The following PKHD1 variants were observed in gnomAD, a reference collection of about 807,000 sequenced individuals.
PKHD1 encodes fibrocystin.
Under a neutral mutation model 412.0 loss-of-function variants are expected in PKHD1, and 291 were observed. That is an observed-to-expected ratio of 0.71 (90% CI 0.64 to 0.78). The LOEUF (loss-of-function observed/expected upper bound fraction) is 0.78, where lower values mean the gene tolerates loss of function less well. PKHD1 is among the 30% of genes least tolerant of loss of function. PKHD1 has a pLI of 0.00. For missense variants in PKHD1, 4,825 were observed against 4,950.7 expected (o/e 0.97, Z 0.76); for synonymous variants, 1,777 against 1,821.5 (o/e 0.98, Z 0.62).
At position 51,669,151 on chromosome 6, in the gene PKHD1, A is replaced by T. The variant is rs543355456; in HGVS notation, c.10157-9182T>A. On this transcript the variant is annotated intron_variant, in intron 60 of 66. Coordinates refer to ENST00000371117, the MANE Select transcript of PKHD1 (RefSeq NM_138694.4). The stretch of plus-strand genomic sequence containing the variant: ...AGTTCCTCCTTGTACCTCTGGTAGA[A>T]TTCGGCTGTGAATCCATCTGGTCCT... Among the ~76,000 whole-genome samples the T allele has an allele frequency of 8.4e-3, 1,272 of 152,238 alleles. 10 individuals carry two copies. The highest frequency in any genetic ancestry group is 0.01 in the Middle Eastern group (3 of 294).
chr6:51,753,500 T>C, intron 56 of PKHD1, 147 bp from the exon 57 acceptor site: 1 of 716,576 alleles, frequency 1.4e-6, no homozygotes. Context: ...CCTGGGGCAT[T>C]CTCCACAAAG....
intron 37 of PKHD1, among the ~76,000 whole-genome samples, chr6:51,926,608 TA>T (rs1341462860): frequency 6.6e-6 from 1 of 152,154 alleles, no homozygotes; most frequent in Non-Finnish European, 1.5e-5. Context: ...CACCTGAAAT[TA>T]AAAGACCTTA....
Position 51,627,066 on chromosome 6 carries a change from G to A in PKHD1, c.11716C>T (p.His3906Tyr), listed in dbSNP as rs371652243. 7.5e-6 allele frequency: 12 copies of A among 1,609,760 alleles called. No individual in the cohort carries two copies. Among genetic ancestry groups the A allele is most frequent in the Non-Finnish European group, 1.0e-5 (12 of 1,176,284 alleles). ...CGGCGTTTGGATGAGATGTGGATAT[G>A]AATATTTTGATTATTAGTCTGGGAT... The part of the protein sequence containing the change: ...PESQTNNQNI[H>Y]IHISSKRRES... Residue 3906 changes from histidine to tyrosine, a missense_variant, in exon 66 of 67, where the codon CAT becomes TAT. Transcript: ENST00000371117.
chr6:51,817,155 GT>G (rs11365359), intron 52 of PKHD1, among the ~76,000 whole-genome samples: 140,456 of 151,962 alleles, frequency 0.92, 65,947 homozygotes, highest in East Asian at 1. Flanking sequence ...TTTTTGAGGG[GT>G]TTTTTTTCCC....
intron 37 of PKHD1, among the ~76,000 whole-genome samples, chr6:51,916,146 G>A (rs1174502701): frequency 1.3e-5 from 2 of 152,028 alleles, no homozygotes; most frequent in Non-Finnish European, 2.9e-5. Flanking sequence ...TTTATATATG[G>A]CACAATTCCT....
At chr6:51,660,670 G>T (rs1348154931) in intron 60 of PKHD1, among the ~76,000 whole-genome samples, 1 of 152,088 alleles carries the variant, frequency 6.6e-6, no homozygotes, top group Admixed American at 6.6e-5. Flanking sequence ...TATTATAAAG[G>T]ATATTACAAA....
At chr6:52,084,776 A>C in intron 2 of PKHD1, 106 bp downstream of exon 2, 1 of 800,472 alleles carries the variant, frequency 1.2e-6, no homozygotes, top group African/African-American at 1.7e-5. Context: ...AAAAATGCAT[A>C]TATTTATGGT....
chr6:51,690,427 C>T (rs1778023156), intron 60 of PKHD1, among the ~76,000 whole-genome samples: 1 of 152,014 alleles, frequency 6.6e-6, no homozygotes, highest in Non-Finnish European at 1.5e-5. Context: ...TACTACAGGC[C>T]TATAGTAATC....
At chr6:52,065,554 T>C (rs188774604) in intron 12 of PKHD1, among the ~76,000 whole-genome samples, 11 of 152,270 alleles carry the variant, frequency 7.2e-5, no homozygotes, top group Admixed American at 6.5e-5. Flanking sequence ...ATAAAAGGGT[T>C]TGCCAAGGTT....
intron 53 of PKHD1, among the ~76,000 whole-genome samples, chr6:51,778,576 G>C (rs1282456220): frequency 1.3e-5 from 2 of 152,092 alleles, no homozygotes; most frequent in South Asian, 2.1e-4. Flanking sequence ...ATGGTGGGCA[G>C]TGAAGGGGAA....
chr6:51,885,817 G>T, intron 45 of PKHD1, 50 bp downstream of exon 45: 1 of 1,195,096 alleles, frequency 8.4e-7, no homozygotes, highest in Non-Finnish European at 1.2e-6. Flanking sequence ...ACAAGTGACA[G>T]TTTTAATTTT....
intron 36 of PKHD1, among the ~76,000 whole-genome samples, chr6:51,940,884 A>ATT (rs1788393766): frequency 1.3e-5 from 2 of 151,300 alleles, no homozygotes; most frequent in Non-Finnish European, 3.0e-5. Flanking sequence ...CATCTTAGAC[A>ATT]ACATTCTTTT....
chr6:51,645,433 C>A (rs886874299), intron 63 of PKHD1, among the ~76,000 whole-genome samples: 1 of 152,084 alleles, frequency 6.6e-6, no homozygotes, highest in Non-Finnish European at 1.5e-5. Context: ...TGCTCTGTCA[C>A]CCAGGCTAGA....
chr6:51,889,362 G>C (rs574834655), intron 43 of PKHD1, among the ~76,000 whole-genome samples: 15 of 152,246 alleles, frequency 9.9e-5, no homozygotes, highest in Admixed American at 2.6e-4. Context: ...CTCTATGCAG[G>C]GCTCAGTGGG....
intron 33 of PKHD1, among the ~76,000 whole-genome samples, chr6:52,021,156 G>A (rs1292197915): frequency 1.3e-5 from 2 of 152,192 alleles, no homozygotes; most frequent in South Asian, 2.1e-4. Context: ...ATCAATGAGT[G>A]TTTGGTGACA....
chr6:52,024,521 G>T, intron 32 of PKHD1, 53 bp downstream of exon 32: 1 of 1,516,812 alleles, frequency 6.6e-7, no homozygotes, highest in Non-Finnish European at 9.1e-7. Context: ...AGTGAAAGGA[G>T]CTACCAATTC....
In PKHD1 at chr6:52,028,299, C is replaced by T. The variant is rs980813205; in HGVS notation, c.3417G>A (p.Leu1139=). 6 of 1,614,102 alleles carry T rather than the reference C, an allele frequency of 3.7e-6. No homozygotes were observed. The highest frequency in any genetic ancestry group is 4.2e-6 in the Non-Finnish European group (5 of 1,180,022). Residue 1139 remains leucine, a synonymous_variant, in exon 30 of 67, where the codon TTG becomes TTA. Transcript: ENST00000371117. ...GVARLMNYTD[L]DVEVHVQDAL... is the part of the protein sequence containing the mutation. Reference sequence around the variant, plus strand: ...CATCCTGGACGTGGACTTCCACATCCAAATCCGTATAGTTCATCAGCCTCG... The same window carrying T: ...CATCCTGGACGTGGACTTCCACATCTAAATCCGTATAGTTCATCAGCCTCG...
intron 29 of PKHD1, 129 bp from the exon 30 acceptor site, chr6:52,028,480 C>T (rs1019090254): frequency 6.0e-5 from 50 of 827,734 alleles, no homozygotes; most frequent in Admixed American, 1.9e-4. Flanking sequence ...TTAAGAGTTA[C>T]GATACCAACC....
chr6:52,054,129 G>A lies in PKHD1; in HGVS notation c.1873C>T (p.Leu625=). The change falls in exon 20 of 67, where the codon CTG becomes TTG. Residue 625 remains leucine, a synonymous_variant. Coordinates refer to ENST00000371117, the MANE Select transcript of PKHD1 (RefSeq NM_138694.4). ...ATTGTGAAGGACACAATCATCTTCAGGATCTTGTTCATGTGGCCTTTGTAT... is the reference window on the plus strand; with the variant it reads ...ATTGTGAAGGACACAATCATCTTCAAGATCTTGTTCATGTGGCCTTTGTAT... ...LAYKGHMNKI[L]KMIVSFTIGF... 1 of 1,613,794 alleles carries A rather than the reference G, an allele frequency of 6.2e-7. No individual in the cohort carries two copies. Among genetic ancestry groups the A allele is most frequent in the Non-Finnish European group, 8.5e-7 (1 of 1,179,706 alleles).
Sources: allele counts gnomAD v4.1 joint callset (sites outside exome capture counted in the v4.1 genomes callset), GRCh38; gene constraint gnomAD v4.1.1; transcripts MANE v1.5; gene names NCBI Gene and HGNC (gene_info 2026-07-23, HGNC 2026-07-21).